Variants in FUT8 observed in about 807,000 individuals in gnomAD.
The protein encoded by FUT8 is alpha-(1,6)-fucosyltransferase.
In FUT8, 29 loss-of-function variants were observed where a neutral mutation model predicts 71.3. That is an observed-to-expected ratio of 0.41 (90% CI 0.30 to 0.55). The LOEUF (loss-of-function observed/expected upper bound fraction) is 0.55, where lower values mean the gene tolerates loss of function less well. Ranked by LOEUF, FUT8 falls within the 20% of genes least tolerant of loss-of-function variation. FUT8 has a pLI of 0.34. For missense variants in FUT8, 544 were observed against 702.1 expected (o/e 0.77, Z 2.55); for synonymous variants, 254 against 239.3 (o/e 1.06, Z -0.57).
At position 65,607,698 on chromosome 14, in the gene FUT8, A is replaced by C. The variant is rs982447524; in HGVS notation, c.204-8280A>C. On this transcript the variant is annotated intron_variant, in intron 3 of 10. Coordinates refer to ENST00000673929, the MANE Select transcript of FUT8 (RefSeq NM_001371533.1). This position sits in a 1 kb window ranked among gnomAD's most constrained non-coding sequence, Gnocchi z 4.1. ...ACTAATCTCAGGAATGGAATTTTAGAATTTCCTCTCTTTTTATATTTCCTA... is the reference window on the plus strand; with the variant it reads ...ACTAATCTCAGGAATGGAATTTTAGCATTTCCTCTCTTTTTATATTTCCTA... Among the ~76,000 whole-genome samples the C allele has an allele frequency of 3.3e-5, 5 of 151,792 alleles. No individual in the cohort carries two copies. The highest frequency in any genetic ancestry group is 5.9e-5 in the Non-Finnish European group (4 of 67,910).
intron 7 of FUT8, among the ~76,000 whole-genome samples, chr14:65,715,891 C>T (rs529282967): frequency 4.0e-5 from 6 of 151,018 alleles, no homozygotes; most frequent in African/African-American, 1.5e-4. Flanking sequence ...GTGGGAGGAT[C>T]ACTTGAGCCT....
chr14:65,557,272 G>A (rs761575959), intron 2 of FUT8, among the ~76,000 whole-genome samples: 13 of 151,212 alleles, frequency 8.6e-5, no homozygotes, highest in African/African-American at 1.2e-4. Context: ...AAATACCTTA[G>A]TACCTTAAAA....
intron 6 of FUT8, among the ~76,000 whole-genome samples, chr14:65,632,989 C>T (rs1424888894): frequency 7.2e-6 from 1 of 138,922 alleles, no homozygotes; most frequent in Non-Finnish European, 1.5e-5. Flanking sequence ...TTGCTCTCCC[C>T]TCTCCCCTCT....
intron 1 of FUT8, among the ~76,000 whole-genome samples, chr14:65,420,149 T>TA (rs202235375): frequency 6.6e-6 from 1 of 151,662 alleles, no homozygotes; most frequent in African/African-American, 2.4e-5. Context: ...TTAATAATAA[T>TA]AAAAAAAAGA....
At chr14:65,430,299 G>C (rs1282111102) in intron 1 of FUT8, 1 of 151,804 alleles carries the variant, frequency 6.6e-6, no homozygotes, top group Non-Finnish European at 1.5e-5. Context: ...CAAAATGTTG[G>C]GATTACAGGG....
In FUT8 at chr14:65,599,984, T is replaced by C. The variant is rs145620570; in HGVS notation, c.204-15994T>C. ...TTTTGAGTACATGAAGAAAATTAAA[T>C]GTTACTGTTGAGAGAAATGTCATTG... On this transcript the variant is annotated intron_variant, in intron 3 of 10. Coordinates refer to ENST00000673929, the MANE Select transcript of FUT8 (RefSeq NM_001371533.1). Among the ~76,000 whole-genome samples the C allele has an allele frequency of 1.9e-3, 288 of 152,324 alleles. 3 individuals are homozygous for C. The highest frequency in any genetic ancestry group is 0.01 in the Admixed American group (157 of 15,302).
At position 65,652,571 on chromosome 14, in the gene FUT8, AG is replaced by A. The variant is rs1172117109; in HGVS notation, c.598-16670del. 1.3e-5 allele frequency among the ~76,000 whole-genome samples: 2 copies of A among 152,230 alleles called. No individual in the cohort carries two copies. The highest frequency in any genetic ancestry group is 2.9e-5 in the Non-Finnish European group (2 of 68,042). ...GGTGAAGAAGAGACTGGCTGGAAAC[AG>A]GAAAACATTCCTGGGACTGTCTTCT... On this transcript the variant is annotated intron_variant, in intron 6 of 10. Transcript: ENST00000673929. The surrounding 1 kb of genome is among the most constrained non-coding windows in gnomAD (Gnocchi z 4.0).
intron 2 of FUT8, among the ~76,000 whole-genome samples, chr14:65,513,759 A>C (rs1882519051): frequency 3.3e-5 from 5 of 152,242 alleles, no homozygotes; most frequent in Admixed American, 3.3e-4. Context: ...CAATCTGCAG[A>C]TAAGGGAAAG....
chr14:65,688,433 G>A (rs925049310), intron 7 of FUT8, among the ~76,000 whole-genome samples: 1 of 136,876 alleles, frequency 7.3e-6, no homozygotes, highest in African/African-American at 2.8e-5. Flanking sequence ...TTTTATTGCT[G>A]AATTGTACTG....
At chr14:65,586,970 C>T (rs1419704098) in intron 3 of FUT8, among the ~76,000 whole-genome samples, 6 of 151,996 alleles carry the variant, frequency 3.9e-5, no homozygotes, top group Non-Finnish European at 7.4e-5. Flanking sequence ...GGGTGGATCA[C>T]GAGGTCAGGA....
chr14:65,687,744 C>T (rs1179249678), intron 7 of FUT8, among the ~76,000 whole-genome samples: 1 of 151,966 alleles, frequency 6.6e-6, no homozygotes, highest in African/African-American at 2.4e-5. Context: ...TTATTCTCCC[C>T]AACCTTTTTA....
At chr14:65,676,742 A>G (rs1253352003) in intron 7 of FUT8, among the ~76,000 whole-genome samples, 2 of 152,202 alleles carry the variant, frequency 1.3e-5, no homozygotes, top group African/African-American at 2.4e-5. Flanking sequence ...ACCAAAGTAT[A>G]GAAAAAGAAG....
chr14:65,732,283 G>A (rs1268402301), intron 9 of FUT8, among the ~76,000 whole-genome samples: 1 of 152,178 alleles, frequency 6.6e-6, no homozygotes, highest in African/African-American at 2.4e-5. Flanking sequence ...AACTGAAACA[G>A]CTCTTAGGGG....
At chr14:65,367,211 G>C in the FUT8 span, among the ~76,000 whole-genome samples, 6 of 152,256 alleles carry the variant, frequency 3.9e-5, no homozygotes, top group African/African-American at 1.4e-4. Flanking sequence ...ATTTTGCCTT[G>C]GGGGAGGTTT....
chr14:65,661,164 G>A (rs1891943205), intron 6 of FUT8, among the ~76,000 whole-genome samples: 2 of 152,112 alleles, frequency 1.3e-5, no homozygotes, highest in Admixed American at 1.3e-4. Context: ...GGAGGAGCTG[G>A]AAGGATCTCC....
chr14:65,648,187 G>A (rs1003573795), intron 6 of FUT8, among the ~76,000 whole-genome samples: 4 of 152,186 alleles, frequency 2.6e-5, no homozygotes, highest in African/African-American at 7.2e-5. Flanking sequence ...GACAGAAAAT[G>A]TACAGCCTGC....
chr14:65,639,328 G>C (rs1032816022), intron 6 of FUT8, among the ~76,000 whole-genome samples: 1 of 152,166 alleles, frequency 6.6e-6, no homozygotes, highest in Non-Finnish European at 1.5e-5. Flanking sequence ...GCTCTTGCTT[G>C]TGGGAGCGTA....
At chr14:65,411,958 C>T (rs916251232), upstream of FUT8, 4 of 452,004 alleles carry the variant, frequency 8.8e-6, no homozygotes, top group Non-Finnish European at 1.8e-5. Flanking sequence ...CACTGCTCTG[C>T]ATCGCGGGCG....
At chr14:65,683,001 A>G (rs1893107544) in intron 7 of FUT8, among the ~76,000 whole-genome samples, 1 of 151,224 alleles carries the variant, frequency 6.6e-6, no homozygotes, top group African/African-American at 2.4e-5. Context: ...GTTTACATTC[A>G]CAGTAATTGC....
Sources: allele counts gnomAD v4.1 joint callset (sites outside exome capture counted in the v4.1 genomes callset), GRCh38; gene constraint gnomAD v4.1.1; non-coding constraint Gnocchi (gnomAD v3.1); transcripts MANE v1.5; gene names NCBI Gene and HGNC (gene_info 2026-07-23, HGNC 2026-07-21).